The following DLST variants were observed in gnomAD, a reference collection of about 807,000 sequenced individuals.
DLST encodes the protein dihydrolipoamide S-succinyltransferase.
DLST carries 17 observed loss-of-function variants against 53.1 expected under a neutral mutation model. That is an observed-to-expected ratio of 0.32 (90% CI 0.22 to 0.48). DLST has a LOEUF of 0.48. Among genes scored for constraint, DLST ranks in the 20% least tolerant of loss-of-function variants. The probability of loss-of-function intolerance (pLI) is 0.99; values close to 1 mark genes in which losing one functional copy is unlikely to be tolerated. For missense variants in DLST, 512 were observed against 583.9 expected (o/e 0.88, Z 1.27); for synonymous variants, 206 against 204.8 (o/e 1.01, Z -0.05).
chr14:74,883,090 C>T (rs1159147593), intron 2 of DLST, among the ~76,000 whole-genome samples: 1 of 151,852 alleles, frequency 6.6e-6, no homozygotes, highest in Non-Finnish European at 1.5e-5. Context: ...GTCAGGAGAT[C>T]GAGACCATCC....
In DLST at chr14:74,881,984, G is replaced by T; in HGVS notation, c.31G>T (p.Ala11Ser). The T allele has an allele frequency of 1.9e-6, 3 of 1,572,670 alleles. No homozygotes were observed. The highest frequency in any genetic ancestry group is 2.4e-5 in the East Asian group (1 of 41,914). ...GTCCCGATCCCGCTGTGTGTCTCGGGCGTTCAGCCGCTCGCTCTCCGCCTT... is the reference window on the plus strand; with the variant it reads ...GTCCCGATCCCGCTGTGTGTCTCGGTCGTTCAGCCGCTCGCTCTCCGCCTT... MLSRSRCVSR[A>S]FSRSLSAFQK... The change falls in exon 1 of 15, where the codon GCG becomes TCG. Residue 11 changes from alanine to serine, a missense_variant. Around this residue, in one of 4 missense-constraint regions of DLST, gnomAD observed 129 missense variants for 90.9 expected, o/e 1.42. Transcript: ENST00000334220.
chr14:74,888,736 C>T (rs1232327253), intron 3 of DLST, among the ~76,000 whole-genome samples: 1 of 152,096 alleles, frequency 6.6e-6, no homozygotes, highest in Non-Finnish European at 1.5e-5. Context: ...AATCAAGAAG[C>T]TAAGTCATTT....
chr14:74,891,519 A>G lies in DLST; in HGVS notation c.442+352A>G, dbSNP rs546130845. ...GAAAATCCAAAATCTGAAATGCTTC[A>G]AAACTTTTTGAGCACTGACAGAATG... On this transcript the variant is annotated intron_variant, in intron 7 of 14. Coordinates refer to ENST00000334220, the MANE Select transcript of DLST (RefSeq NM_001933.5). The G allele has an allele frequency of 1.0e-5, 10 of 998,304 alleles. No individual in the cohort carries two copies. The Admixed American group carries it at 5.7e-4, about 57-fold the overall frequency. The allele number at this position is 998,304 out of a possible 1,614,324, so 61.8% of individuals were successfully genotyped here.
At chr14:74,893,048 G>T in intron 8 of DLST, 62 bp downstream of exon 8, 1 of 1,541,472 alleles carries the variant, frequency 6.5e-7, no homozygotes, top group Non-Finnish European at 8.7e-7. Flanking sequence ...TTCCTTCAAA[G>T]GGTAAACTCT....
In DLST at chr14:74,882,574, G is replaced by A. The variant is rs1298147555; in HGVS notation, c.64-17G>A. 1 of 1,613,528 alleles carries A rather than the reference G, an allele frequency of 6.2e-7. No individual in the cohort carries two copies. Among genetic ancestry groups the A allele is most frequent in the South Asian group, 1.1e-5 (1 of 91,052 alleles). ...TTTCATCTTGGGTGACGTCGATAAT[G>A]TCTTCTTTCTCAACAGGGGAACTGC... On this transcript the variant is annotated splice_polypyrimidine_tract_variant and intron_variant, in intron 1 of 14. Transcript: ENST00000334220.
chr14:74,882,230 C>T (rs1170451473), intron 1 of DLST, among the ~76,000 whole-genome samples: 1 of 152,176 alleles, frequency 6.6e-6, no homozygotes, highest in Non-Finnish European at 1.5e-5. Context: ...AGGCAGCCTG[C>T]GGGGAACGTT....
rs867886904 is a variant in DLST, at chr14:74,897,192, G to A, written c.771-1177G>A. On this transcript the variant is annotated intron_variant, in intron 10 of 14. Coordinates refer to ENST00000334220, the MANE Select transcript of DLST (RefSeq NM_001933.5). ...GGTGGTAATCCTAGCACTAAATAAGGTTAGAATCAGGAAAACAAGCATTTT... is the reference window on the plus strand; with the variant it reads ...GGTGGTAATCCTAGCACTAAATAAGATTAGAATCAGGAAAACAAGCATTTT... 2.6e-4 allele frequency among the ~76,000 whole-genome samples: 39 copies of A among 152,170 alleles called. 1 individual carries two copies. Among genetic ancestry groups the A allele is most frequent in the Admixed American group, 2.4e-3 (36 of 15,268 alleles).
At position 74,891,602 on chromosome 14, in the gene DLST, C is replaced by T. The variant is rs185066418; in HGVS notation, c.442+435C>T. On this transcript the variant is annotated intron_variant, in intron 7 of 14. Coordinates refer to ENST00000334220, the MANE Select transcript of DLST (RefSeq NM_001933.5). ...AATTCAGTGTTGTTTCTTTTCACAT[C>T]TGTTCTCTCATATCTCTAGGAAGGG... 1.4e-3 allele frequency: 1,348 copies of T among 988,978 alleles called. 12 individuals carry two copies. The highest frequency in any genetic ancestry group is 0.013 in the Middle Eastern group (25 of 1,922). 61.3% of individuals were successfully genotyped at this position (988,978 alleles called of 1,614,324 possible).
intron 11 of DLST, among the ~76,000 whole-genome samples, chr14:74,899,626 A>G (rs2140202647): frequency 6.6e-6 from 1 of 152,280 alleles, no homozygotes; most frequent in Middle Eastern, 3.4e-3. Flanking sequence ...GAGCTACTTA[A>G]CGAGAGTTTA....
At chr14:74,889,048 T>G in intron 3 of DLST, 47 bp from the exon 4 acceptor site, 7 of 1,566,632 alleles carry the variant, frequency 4.5e-6, no homozygotes, top group Non-Finnish European at 5.2e-6. Flanking sequence ...GACTAAAATG[T>G]GAGTGGTTCG....
At chr14:74,900,130 T>TC (rs1884196089) in intron 12 of DLST, 134 bp downstream of exon 12, 1 of 1,078,528 alleles carries the variant, frequency 9.3e-7, no homozygotes, top group Non-Finnish European at 1.4e-6. Context: ...ACCTTTTTTT[T>TC]CTTTTAAACC....
At chr14:74,882,057 C>T in intron 1 of DLST, 41 bp downstream of exon 1, 1 of 1,477,398 alleles carries the variant, frequency 6.8e-7, no homozygotes, top group Non-Finnish European at 8.9e-7. Context: ...GGTGAGGAGT[C>T]TGTTGGCGGG....
chr14:74,891,523 C>G (rs1883907554), intron 7 of DLST: 1 of 996,612 alleles, frequency 1.0e-6, no homozygotes, highest in Non-Finnish European at 1.2e-6. Context: ...TGCTTCAAAA[C>G]TTTTTGAGCA....
Position 74,903,297 on chromosome 14 carries a change from G to T in DLST, c.*967G>T, listed in dbSNP as rs1328592909. On this transcript the variant is annotated 3_prime_UTR_variant, in exon 15 of 15. Transcript: ENST00000334220. ...TTGCTGTAAGCACCTGGGCTGAGGA[G>T]GCAGTTTTTGTTCCTTCCTGCGTTA... 2 of 152,720 alleles carry T rather than the reference G, an allele frequency of 1.3e-5. No homozygotes were observed. The highest frequency in any genetic ancestry group is 2.9e-5 in the Non-Finnish European group (2 of 68,120). 9.5% of individuals were successfully genotyped at this position (152,720 alleles called of 1,614,324 possible).
In DLST at chr14:74,902,839, G is replaced by A. The variant is rs1286585575; in HGVS notation, c.*509G>A. ...GATTGAACACAGGCAAAGAGGTGCTGCTTTGCTTCTTCAATGGCACCTTCA... is the reference window on the plus strand; with the variant it reads ...GATTGAACACAGGCAAAGAGGTGCTACTTTGCTTCTTCAATGGCACCTTCA... On this transcript the variant is annotated 3_prime_UTR_variant, in exon 15 of 15. Coordinates refer to ENST00000334220, the MANE Select transcript of DLST (RefSeq NM_001933.5). 1 of 152,788 alleles carries A rather than the reference G, an allele frequency of 6.5e-6. No individual in the cohort carries two copies. Among genetic ancestry groups the A allele is most frequent in the Non-Finnish European group, 1.5e-5 (1 of 68,140 alleles). The allele number at this position is 152,788 out of a possible 1,614,324, so 9.5% of individuals were successfully genotyped here. A position where few individuals can be genotyped will look rare whatever the true frequency, so the allele number is the denominator to read the frequency against.
At chr14:74,899,183 T>C (rs1357165624) in intron 11 of DLST, among the ~76,000 whole-genome samples, 1 of 152,046 alleles carries the variant, frequency 6.6e-6, no homozygotes, top group Non-Finnish European at 1.5e-5. Context: ...TGCCCAAATG[T>C]ATACCTCTTC....
At chr14:74,886,660 A>T (rs1328214198) in intron 3 of DLST, among the ~76,000 whole-genome samples, 5 of 152,068 alleles carry the variant, frequency 3.3e-5, no homozygotes. Context: ...TAAATGTTGC[A>T]CTCAGTACTA....
At chr14:74,882,682 G>T in intron 2 of DLST, 58 bp downstream of exon 2, 2 of 1,533,856 alleles carry the variant, frequency 1.3e-6, no homozygotes, top group Middle Eastern at 1.7e-4. Context: ...AGCAGTATGT[G>T]AGGAACTCGG....
At chr14:74,900,977 C>T (rs571954262) in intron 13 of DLST, 89 bp from the exon 14 acceptor site, 43 of 1,446,888 alleles carry the variant, frequency 3.0e-5, no homozygotes, top group East Asian at 1.6e-4. Flanking sequence ...CCTCCTGCCT[C>T]GGCCTCCCAA....
Sources: gnomAD v4.1 joint callset for allele counts (sites outside exome capture counted in the v4.1 genomes callset) on GRCh38, gnomAD v4.1.1 for gene constraint, gnomAD v4.1.1 regional missense constraint, MANE v1.5 for transcripts, NCBI Gene and HGNC (gene_info 2026-07-23, HGNC 2026-07-21) for gene names.